The following STXBP5L variants were observed in gnomAD, a reference collection of about 807,000 sequenced individuals.
STXBP5L encodes syntaxin binding protein 5L, also known as syntaxin-binding protein 5-like.
A neutral mutation model predicts 144.5 loss-of-function variants in STXBP5L; 65 were observed. That is an observed-to-expected ratio of 0.45 (90% CI 0.37 to 0.55). The LOEUF (loss-of-function observed/expected upper bound fraction) is 0.55. STXBP5L is among the 20% of genes least tolerant of loss of function. STXBP5L has a pLI of 0.00. For synonymous variants in STXBP5L, 505 were observed against 469.6 expected (o/e 1.08, Z -0.97); for missense variants, 1,298 against 1,405.5 (o/e 0.92, Z 1.22).
At chr3:120,967,290 C>T (rs1261954522) in intron 3 of STXBP5L, among the ~76,000 whole-genome samples, 2 of 152,172 alleles carry the variant, frequency 1.3e-5, no homozygotes, top group Non-Finnish European at 2.9e-5. Flanking sequence ...TCAGCTCACC[C>T]TCCGTGGGCT....
At chr3:121,294,256 C>A (rs905301040) in intron 19 of STXBP5L, among the ~76,000 whole-genome samples, 3 of 152,128 alleles carry the variant, frequency 2.0e-5, no homozygotes, top group African/African-American at 7.2e-5. Flanking sequence ...ATTCGGAAAT[C>A]ATTAGCATTT....
At chr3:121,186,244 C>G (rs528881046) in intron 9 of STXBP5L, among the ~76,000 whole-genome samples, 1 of 152,322 alleles carries the variant, frequency 6.6e-6, no homozygotes, top group African/African-American at 2.4e-5. Flanking sequence ...CATCTGCAAA[C>G]AGGGACAATT....
intron 5 of STXBP5L, among the ~76,000 whole-genome samples, chr3:121,090,101 C>T (rs973312600): frequency 6.6e-6 from 1 of 152,016 alleles, no homozygotes; most frequent in Non-Finnish European, 1.5e-5. Context: ...TGAGGTTTTT[C>T]TATTTCCTAT....
chr3:121,184,326 A>G (rs1485893516), intron 9 of STXBP5L, among the ~76,000 whole-genome samples: 1 of 150,050 alleles, frequency 6.7e-6, no homozygotes, highest in Non-Finnish European at 1.5e-5. Flanking sequence ...GAAAAAAGTT[A>G]GAGAAATTGC....
chr3:121,056,177 G>A (rs1948448061), intron 5 of STXBP5L, among the ~76,000 whole-genome samples: 1 of 152,050 alleles, frequency 6.6e-6, no homozygotes, highest in Non-Finnish European at 1.5e-5. Flanking sequence ...AACCTAAATA[G>A]GGAAGAAAAA....
chr3:121,320,548 A>T (rs1034669732), intron 20 of STXBP5L, among the ~76,000 whole-genome samples: 1 of 152,058 alleles, frequency 6.6e-6, no homozygotes, highest in African/African-American at 2.4e-5. Flanking sequence ...TCCCAGTCTC[A>T]TTGATAAGGC....
intron 1 of STXBP5L, among the ~76,000 whole-genome samples, chr3:120,908,812 G>A (rs1040406559): frequency 1.3e-5 from 2 of 150,348 alleles, no homozygotes; most frequent in Non-Finnish European, 3.0e-5. Context: ...TGGAGGGAGG[G>A]GAGCAGGAGA....
In STXBP5L at chr3:121,092,289, G is replaced by C. The variant is rs78552675; in HGVS notation, c.471-22636G>C. On this transcript the variant is annotated intron_variant, in intron 5 of 26. Transcript: ENST00000471454. ...GGTTCCATATGAACTTTAAAGTAGT[G>C]TTTTCCAATTCTGTGATGAAAGTCA... Among the ~76,000 whole-genome samples, 9 of 151,372 alleles carry C rather than the reference G, an allele frequency of 5.9e-5. No homozygotes were observed. The East Asian group carries it at 1.8e-3, about 30-fold the overall frequency.
chr3:121,314,403 C>A (rs2043697571), intron 19 of STXBP5L, among the ~76,000 whole-genome samples: 1 of 129,178 alleles, frequency 7.7e-6, no homozygotes, highest in South Asian at 2.9e-4. Flanking sequence ...ACCAGCCCGG[C>A]CAACACAGTG....
intron 3 of STXBP5L, among the ~76,000 whole-genome samples, chr3:121,023,980 G>T (rs1039913978): frequency 6.6e-6 from 1 of 151,934 alleles, no homozygotes. Context: ...GGATGGTCTC[G>T]ATCTCCTGAC....
chr3:121,212,297 C>T (rs192672516), intron 10 of STXBP5L, among the ~76,000 whole-genome samples: 5 of 152,252 alleles, frequency 3.3e-5, no homozygotes, highest in Non-Finnish European at 2.9e-5. Flanking sequence ...CCCATGCCTA[C>T]ATCCTGAATG....
intron 11 of STXBP5L, among the ~76,000 whole-genome samples, chr3:121,230,493 T>C (rs2049270852): frequency 6.7e-6 from 1 of 148,764 alleles, no homozygotes; most frequent in South Asian, 2.1e-4. Context: ...ATTATAAAAG[T>C]AATGACCTTA....
intron 9 of STXBP5L, among the ~76,000 whole-genome samples, chr3:121,189,781 A>C (rs1396925678): frequency 1.3e-5 from 2 of 152,120 alleles, no homozygotes; most frequent in Non-Finnish European, 2.9e-5. Flanking sequence ...ATTACATTAA[A>C]TTATACATTT....
intron 20 of STXBP5L, among the ~76,000 whole-genome samples, chr3:121,321,302 T>C (rs1108170): frequency 0.48 from 72,274 of 152,046 alleles, 17,748 homozygotes; most frequent in East Asian, 0.73. Context: ...CTATGTGAAA[T>C]GCATCCTTCT....
At chr3:121,290,577 T>C (rs939573669) in intron 19 of STXBP5L, among the ~76,000 whole-genome samples, 31 of 152,196 alleles carry the variant, frequency 2.0e-4, no homozygotes, top group African/African-American at 7.0e-4. Flanking sequence ...ATCACCCTAA[T>C]ATCAAAACCA....
chr3:121,168,962 G>C (rs1243011705), intron 9 of STXBP5L, among the ~76,000 whole-genome samples: 1 of 152,124 alleles, frequency 6.6e-6, no homozygotes, highest in African/African-American at 2.4e-5. Context: ...ACCCACAAAG[G>C]GAAGCCCATT....
At chr3:121,102,504 C>T (rs768901337) in intron 5 of STXBP5L, among the ~76,000 whole-genome samples, 3 of 151,960 alleles carry the variant, frequency 2.0e-5, no homozygotes, top group African/African-American at 7.2e-5. Context: ...TACTTGGCTA[C>T]CCATATGCAG....
chr3:120,963,442 T>C (rs1355716054), intron 3 of STXBP5L, among the ~76,000 whole-genome samples: 1 of 152,242 alleles, frequency 6.6e-6, no homozygotes, highest in African/African-American at 2.4e-5. Flanking sequence ...TTGAGATATG[T>C]GCCATCAATA....
chr3:121,146,728 CT>C (rs35155437), intron 7 of STXBP5L, among the ~76,000 whole-genome samples: 2 of 151,892 alleles, frequency 1.3e-5, no homozygotes, highest in African/African-American at 4.8e-5. Flanking sequence ...AAGGCAAAAA[CT>C]TTTTTAAGGA....
Sources: gnomAD v4.1 joint callset for allele counts (sites outside exome capture counted in the v4.1 genomes callset) on GRCh38, gnomAD v4.1.1 for gene constraint, MANE v1.5 for transcripts, NCBI Gene and HGNC (gene_info 2026-07-23, HGNC 2026-07-21) for gene names.